Variants in MAML1 observed in about 807,000 individuals in gnomAD.
The protein encoded by MAML1 is mastermind-like protein 1.
Under a neutral mutation model 77.1 loss-of-function variants are expected in MAML1, and 14 were observed. The observed-to-expected ratio is 0.18, with a 90% confidence interval of 0.12 to 0.28. MAML1 has a LOEUF of 0.28. Among genes scored for constraint, MAML1 ranks in the 10% least tolerant of loss-of-function variants. The pLI is 1.00. For synonymous variants in MAML1, 516 were observed against 551.9 expected, an observed-to-expected ratio of 0.93 and a Z score of 0.91; for missense variants, 1,217 against 1,327.8, an observed-to-expected ratio of 0.92 and a Z score of 1.30.
chr5:179,765,069 C>A (rs536364085), intron 1 of MAML1, among the ~76,000 whole-genome samples: 1 of 151,568 alleles, frequency 6.6e-6, no homozygotes, highest in Non-Finnish European at 1.5e-5. Flanking sequence ...TACCGCCAGA[C>A]GAGATGGCTG....
In MAML1 at chr5:179,775,549, G is replaced by C; in HGVS notation, c.*672G>C. ...AAAAAGGGACAGGAGGCATGGGATA[G>C]CAGGTCTGGTGACACAGCTAGGGTC... On this transcript the variant is annotated 3_prime_UTR_variant, in exon 5 of 5. Coordinates refer to ENST00000292599, the MANE Select transcript of MAML1 (RefSeq NM_014757.5). 6 of 985,394 alleles carry C rather than the reference G, an allele frequency of 6.1e-6. No homozygotes were observed. The highest frequency in any genetic ancestry group is 7.2e-6 in the Non-Finnish European group (6 of 829,922). 61.0% of individuals were successfully genotyped at this position (985,394 alleles called of 1,614,324 possible).
At chr5:179,753,015 C>T (rs1165800211) in intron 1 of MAML1, among the ~76,000 whole-genome samples, 8 of 152,162 alleles carry the variant, frequency 5.3e-5, no homozygotes, top group South Asian at 2.1e-4. Context: ...TCAGGTGATC[C>T]GCCCGTCTTG....
At chr5:179,761,397 TA>T (rs1165974782) in intron 1 of MAML1, among the ~76,000 whole-genome samples, 1 of 150,574 alleles carries the variant, frequency 6.6e-6, no homozygotes, top group African/African-American at 2.4e-5. Context: ...CCCTGTCTCT[TA>T]AAAAAAATTA....
rs1756008290 is a variant in MAML1 at position 179,772,096 on chromosome 5, C to T, written c.2068+853C>T. Among the ~76,000 whole-genome samples the T allele has an allele frequency of 2.6e-5, 4 of 152,324 alleles. No individual in the cohort carries two copies. The South Asian group carries it at 8.3e-4, about 32-fold the overall frequency. On this transcript the variant is annotated intron_variant, in intron 4 of 4. Transcript: ENST00000292599. ...ATGGGAATGAAATAGCCGGTTTCAG[C>T]TCTCCTCTTTTCCTCAACCCAATTT...
At chr5:179,734,513 C>T (rs552229901) in intron 1 of MAML1, among the ~76,000 whole-genome samples, 19 of 152,260 alleles carry the variant, frequency 1.2e-4, no homozygotes, top group Admixed American at 8.5e-4. Context: ...ACACTAGCCT[C>T]GATTGCTGGG....
At chr5:179,753,980 A>G (rs945846640) in intron 1 of MAML1, among the ~76,000 whole-genome samples, 3 of 150,158 alleles carry the variant, frequency 2.0e-5, no homozygotes, top group Non-Finnish European at 4.4e-5. Context: ...CCTTGTTTGG[A>G]TTGTTTTAGA....
intron 1 of MAML1, among the ~76,000 whole-genome samples, chr5:179,738,611 G>A (rs1779219881): frequency 6.6e-6 from 1 of 152,026 alleles, no homozygotes; most frequent in Non-Finnish European, 1.5e-5. Flanking sequence ...GACAAGTCCT[G>A]TGTTTTCTCA....
At chr5:179,740,746 G>A (rs184585701) in intron 1 of MAML1, among the ~76,000 whole-genome samples, 322 of 152,282 alleles carry the variant, frequency 2.1e-3, no homozygotes, top group Admixed American at 3.5e-3. Flanking sequence ...AGTTCCTGAG[G>A]GCAGAGGTGA....
chr5:179,775,052 C>A lies in MAML1; in HGVS notation c.*175C>A. ...AGGGTCTGTGGCTGCGCCCCTCAGG[C>A]CAGCAGTTGAGGTCCATCGGGCTGG... is the stretch of plus-strand genomic sequence containing the variant. On this transcript the variant is annotated 3_prime_UTR_variant, in exon 5 of 5. Transcript: ENST00000292599. 7.0e-7 allele frequency: 1 copy of A among 1,419,122 alleles called. No individual in the cohort carries two copies. The highest frequency in any genetic ancestry group is 9.2e-7 in the Non-Finnish European group (1 of 1,091,870). The allele number at this position is 1,419,122 out of a possible 1,614,324, so 87.9% of individuals were successfully genotyped here. A position where few individuals can be genotyped will look rare whatever the true frequency, so the allele number is the denominator to read the frequency against.
intron 1 of MAML1, among the ~76,000 whole-genome samples, chr5:179,742,614 C>T (rs1005604223): frequency 1.3e-5 from 2 of 152,084 alleles, no homozygotes; most frequent in Non-Finnish European, 2.9e-5. Context: ...ACCAGCCTGG[C>T]CAACATGGTG....
chr5:179,756,545 G>T (rs999496613), intron 1 of MAML1, among the ~76,000 whole-genome samples: 7 of 152,106 alleles, frequency 4.6e-5, no homozygotes, highest in Non-Finnish European at 1.0e-4. Flanking sequence ...ATTCAACAGA[G>T]AAGTTAATTG....
rs1362167131 is a variant in MAML1, at chr5:179,733,214, C to T, written c.102C>T (p.His34=). 9.5e-6 allele frequency: 14 copies of T among 1,480,038 alleles called. No homozygotes were observed. Among genetic ancestry groups the T allele is most frequent in the East Asian group, 2.9e-5 (1 of 34,050 alleles). The allele number at this position is 1,480,038 out of a possible 1,614,324, so 91.7% of individuals were successfully genotyped here. The change falls in exon 1 of 5, where the codon CAC becomes CAT. Residue 34 remains histidine, a synonymous_variant. Coordinates refer to ENST00000292599, the MANE Select transcript of MAML1 (RefSeq NM_014757.5). ...GCATCGAGCTGTGCCGGCGCCACCA[C>T]AGCACCTGCGAGGCCCGCTACGAGG... ...RRRIELCRRH[H]STCEARYEAV...
rs758792881 is a variant in MAML1 at position 179,769,020 on chromosome 5, G to A, written c.1902G>A (p.Arg634=). ...HQLLLDQQKQ[R]EQQQKHLQQQ... is the part of the protein sequence containing the mutation. ...TGCTTTTGGACCAACAGAAACAAAG[G>A]GAGCAGCAGCAAAAGCATTTACAGC... is the stretch of plus-strand genomic sequence containing the variant. The change falls in exon 3 of 5, where the codon AGG becomes AGA. Residue 634 remains arginine (R), a synonymous_variant. Coordinates refer to ENST00000292599, the MANE Select transcript of MAML1 (RefSeq NM_014757.5). The surrounding 1 kb of genome is among the most constrained non-coding windows in gnomAD (Gnocchi z 4.2). 8.7e-6 allele frequency: 14 copies of A among 1,614,196 alleles called. No homozygotes were observed. Among genetic ancestry groups the A allele is most frequent in the Non-Finnish European group, 1.2e-5 (14 of 1,180,040 alleles).
chr5:179,761,975 T>G (rs1217021359), intron 1 of MAML1, among the ~76,000 whole-genome samples: 1 of 151,868 alleles, frequency 6.6e-6, no homozygotes, highest in Non-Finnish European at 1.5e-5. Context: ...AGGAAGATGA[T>G]AGAAGAGGTA....
Position 179,765,472 on chromosome 5 carries a change from A to G in MAML1, c.462A>G (p.Gly154=), listed in dbSNP as rs767728069. 3 of 1,614,046 alleles carry G rather than the reference A, an allele frequency of 1.9e-6. No individual in the cohort carries two copies. The highest frequency in any genetic ancestry group is 2.5e-6 in the Non-Finnish European group (3 of 1,180,004). ...APLGVAISSN[G]LPPASPLGQS... is the part of the protein sequence containing the mutation. The stretch of plus-strand genomic sequence containing the variant: ...TGGGAGTTGCCATCTCTTCCAATGG[A>G]CTGCCTCCAGCCTCCCCCCTCGGTC... Residue 154 remains glycine, a synonymous_variant, in exon 2 of 5, where the codon GGA becomes GGG. Coordinates refer to ENST00000292599, the MANE Select transcript of MAML1 (RefSeq NM_014757.5).
intron 1 of MAML1, among the ~76,000 whole-genome samples, chr5:179,759,598 T>C (rs1357989189): frequency 6.6e-6 from 1 of 152,232 alleles, no homozygotes; most frequent in Non-Finnish European, 1.5e-5. Flanking sequence ...TTTCATGAAA[T>C]GGACCTACTT....
intron 1 of MAML1, among the ~76,000 whole-genome samples, chr5:179,745,984 A>G (rs1779372533): frequency 6.7e-6 from 1 of 149,228 alleles, no homozygotes; most frequent in Non-Finnish European, 1.5e-5. Context: ...CGATGAGCTG[A>G]GATAGCGCCA....
chr5:179,767,811 A>G (rs558890977), intron 2 of MAML1, among the ~76,000 whole-genome samples: 83 of 152,374 alleles, frequency 5.4e-4, no homozygotes, highest in Middle Eastern at 6.8e-3. Flanking sequence ...CTTAGAATGA[A>G]TAACTAGAAA....
chr5:179,748,328 C>T (rs1266724908), intron 1 of MAML1, among the ~76,000 whole-genome samples: 2 of 152,106 alleles, frequency 1.3e-5, no homozygotes, highest in Admixed American at 1.3e-4. Flanking sequence ...GTGATCCACC[C>T]ACCTCAGCCT....
Sources: allele counts gnomAD v4.1 joint callset (sites outside exome capture counted in the v4.1 genomes callset), GRCh38; gene constraint gnomAD v4.1.1; non-coding constraint Gnocchi (gnomAD v3.1); transcripts MANE v1.5; gene names NCBI Gene and HGNC (gene_info 2026-07-23, HGNC 2026-07-21).